CACNB2: variants seen among roughly 807,000 people sequenced by gnomAD.
CACNB2 encodes calcium voltage-gated channel auxiliary subunit beta 2.
A neutral mutation model predicts 73.3 loss-of-function variants in CACNB2; 42 were observed. The ratio of observed to expected loss-of-function variants is 0.57; its 90% CI spans 0.45 to 0.74. The LOEUF (loss-of-function observed/expected upper bound fraction) is 0.74. CACNB2 is among the 30% of genes least tolerant of loss of function. The probability of loss-of-function intolerance (pLI) is 0.00; values close to 1 mark genes in which losing one functional copy is unlikely to be tolerated. For synonymous variants in CACNB2, 348 were observed against 310.3 expected (o/e 1.12, Z -1.28); for missense variants, 940 against 853.0 (o/e 1.10, Z -1.27).
intron 2 of CACNB2, among the ~76,000 whole-genome samples, chr10:18,233,750 G>T (rs1381263623): frequency 1.3e-5 from 2 of 152,150 alleles, no homozygotes; most frequent in East Asian, 3.8e-4. Context: ...CGCTGAGTGT[G>T]AATAAAGTAC....
At chr10:18,238,683 G>T (rs758857951) in intron 2 of CACNB2, among the ~76,000 whole-genome samples, 4 of 152,080 alleles carry the variant, frequency 2.6e-5, no homozygotes, top group African/African-American at 9.7e-5. Context: ...AAATTTCTTC[G>T]TGATCACTCT....
At chr10:18,398,270 A>G (rs908446172) in intron 2 of CACNB2, among the ~76,000 whole-genome samples, 1 of 152,246 alleles carries the variant, frequency 6.6e-6, no homozygotes, top group Non-Finnish European at 1.5e-5. Flanking sequence ...AGATACTGAA[A>G]CATGCTACTA....
intron 2 of CACNB2, among the ~76,000 whole-genome samples, chr10:18,184,088 T>G (rs1267470891): frequency 1.3e-5 from 2 of 152,206 alleles, no homozygotes; most frequent in African/African-American, 2.4e-5. Flanking sequence ...CACTGGGGCA[T>G]TCATCTTTTA....
chr10:18,449,719 C>CT (rs1334822281), intron 3 of CACNB2, among the ~76,000 whole-genome samples: 1 of 152,262 alleles, frequency 6.6e-6, no homozygotes, highest in African/African-American at 2.4e-5. Flanking sequence ...GAATCTCTCT[C>CT]TGACTGTTGG....
chr10:18,525,373 T>C (rs1425898725), intron 9 of CACNB2, among the ~76,000 whole-genome samples: 2 of 152,188 alleles, frequency 1.3e-5, no homozygotes, highest in East Asian at 1.9e-4. Flanking sequence ...AGCCTGAATG[T>C]TTACAAACCT....
At chr10:18,379,637 A>T (rs763361662) in intron 2 of CACNB2, among the ~76,000 whole-genome samples, 2 of 152,032 alleles carry the variant, frequency 1.3e-5, no homozygotes, top group Non-Finnish European at 2.9e-5. Flanking sequence ...TGTGCCCATT[A>T]AGCACTAACT....
intron 7 of CACNB2, among the ~76,000 whole-genome samples, chr10:18,517,382 A>G (rs1418708376): frequency 7.9e-5 from 12 of 152,198 alleles, no homozygotes; most frequent in Non-Finnish European, 1.6e-4. Context: ...TAATTTTTGG[A>G]AAGATGTTAT....
intron 2 of CACNB2, among the ~76,000 whole-genome samples, chr10:18,159,246 C>T (rs1041787206): frequency 2.0e-5 from 3 of 152,154 alleles, no homozygotes; most frequent in Non-Finnish European, 2.9e-5. Context: ...GCTTTCTACT[C>T]TATGCTCCTG....
chr10:18,434,282 G>A (rs1241957404), intron 3 of CACNB2, among the ~76,000 whole-genome samples: 2 of 152,126 alleles, frequency 1.3e-5, no homozygotes, highest in Admixed American at 6.6e-5. Flanking sequence ...AAGACAGAAA[G>A]CACTTCAAAT....
chr10:18,182,195 G>T (rs1047361541), intron 2 of CACNB2: 1 of 151,982 alleles, frequency 6.6e-6, no homozygotes, highest in East Asian at 1.9e-4. Context: ...GGGTACAGTC[G>T]CTCATGCCTG....
intron 2 of CACNB2, among the ~76,000 whole-genome samples, chr10:18,366,461 T>C (rs2042355849): frequency 8.1e-6 from 1 of 123,548 alleles, no homozygotes; most frequent in Non-Finnish European, 1.7e-5. Context: ...TGAGACTCCG[T>C]CTCAAAAAAA....
chr10:18,405,317 T>G (rs948795380), intron 3 of CACNB2, among the ~76,000 whole-genome samples: 1 of 152,210 alleles, frequency 6.6e-6, no homozygotes, highest in African/African-American at 2.4e-5. Context: ...AACTTTTGTT[T>G]CTACAGGTTT....
intron 2 of CACNB2, among the ~76,000 whole-genome samples, chr10:18,268,990 T>A (rs533911969): frequency 6.6e-6 from 1 of 152,214 alleles, no homozygotes; most frequent in East Asian, 1.9e-4. Context: ...CCAAATGTCC[T>A]TTAGGTCTGG....
At chr10:18,453,007 A>G (rs2047087625) in intron 3 of CACNB2, among the ~76,000 whole-genome samples, 1 of 152,208 alleles carries the variant, frequency 6.6e-6, no homozygotes, top group South Asian at 2.1e-4. Context: ...CAGTTGCTCA[A>G]GCCGAAAGCA....
intron 2 of CACNB2, among the ~76,000 whole-genome samples, chr10:18,311,866 C>T (rs2039977875): frequency 6.6e-6 from 1 of 152,254 alleles, no homozygotes; most frequent in African/African-American, 2.4e-5. Context: ...CTGGTAGGGA[C>T]CCCTACAGTC....
intron 3 of CACNB2, among the ~76,000 whole-genome samples, chr10:18,481,889 AT>A (rs886246484): frequency 6.6e-6 from 1 of 151,882 alleles, no homozygotes. Context: ...GCTGGTCACA[AT>A]TTTTTTTCTG....
At chr10:18,305,630 GAGTT>G (rs1354902708) in intron 2 of CACNB2, among the ~76,000 whole-genome samples, 3 of 152,104 alleles carry the variant, frequency 2.0e-5, no homozygotes, top group Non-Finnish European at 4.4e-5. Flanking sequence ...TAGCTGGTGT[GAGTT>G]AGTTTTCAAG....
intron 2 of CACNB2, among the ~76,000 whole-genome samples, chr10:18,237,169 A>G (rs1464392346): frequency 1.3e-5 from 2 of 152,154 alleles, no homozygotes; most frequent in African/African-American, 4.8e-5. Context: ...GTAGGAATAG[A>G]AAAAGGTGGT....
intron 2 of CACNB2, among the ~76,000 whole-genome samples, chr10:18,208,938 T>G (rs185621026): frequency 6.6e-6 from 1 of 152,342 alleles, no homozygotes; most frequent in Admixed American, 6.5e-5. Flanking sequence ...GGTGGGATTC[T>G]CTGGAGCACA....
Sources: gnomAD v4.1 joint callset for allele counts (sites outside exome capture counted in the v4.1 genomes callset) on GRCh38, gnomAD v4.1.1 for gene constraint, MANE v1.5 for transcripts, NCBI Gene and HGNC (gene_info 2026-07-23, HGNC 2026-07-21) for gene names.